Variants in PCDHGA2 observed in about 807,000 individuals in gnomAD.
PCDHGA2 encodes the protein protocadherin gamma-A2.
In PCDHGA2, 40 loss-of-function variants were observed where a neutral mutation model predicts 59.2. That is an observed-to-expected ratio of 0.68 (90% CI 0.52 to 0.88). PCDHGA2 has a LOEUF of 0.88. PCDHGA2 is among the 40% of genes least tolerant of loss of function. The pLI is 0.00. For synonymous variants in PCDHGA2, 560 were observed against 526.0 expected (o/e 1.06, Z -0.89); for missense variants, 1,226 against 1,204.0 (o/e 1.02, Z -0.27).
intron 1 of PCDHGA2, chr5:141,366,760 T>C (rs1041895625): frequency 1.9e-6 from 3 of 1,605,346 alleles, no homozygotes; most frequent in African/African-American, 2.7e-5. Context: ...AGGTTAGTTT[T>C]CTCTTTCGGT....
intron 1 of PCDHGA2, chr5:141,420,083 A>C (rs2096465782): frequency 2.5e-6 from 4 of 1,614,020 alleles, no homozygotes; most frequent in Non-Finnish European, 3.4e-6. Context: ...GGGTCCCCCC[A>C]ACTACAGTGA....
chr5:141,376,919 C>T (rs1232247479), intron 1 of PCDHGA2: 1 of 173,284 alleles, frequency 5.8e-6, no homozygotes, highest in Non-Finnish European at 1.2e-5. Context: ...GATCTCCTGA[C>T]CTCATGATCC....
At chr5:141,412,666 G>C (rs991501719) in intron 1 of PCDHGA2, 3 of 152,120 alleles carry the variant, frequency 2.0e-5, no homozygotes, top group African/African-American at 7.2e-5. Flanking sequence ...ACACTAATAT[G>C]ACCTAAAATA....
intron 1 of PCDHGA2, chr5:141,389,358 A>G: frequency 6.2e-7 from 1 of 1,613,908 alleles, no homozygotes; most frequent in Non-Finnish European, 8.5e-7. Flanking sequence ...CATCATGGCC[A>G]GTGACCTGGA....
chr5:141,434,747 C>T (rs2097714000), intron 1 of PCDHGA2, among the ~76,000 whole-genome samples: 1 of 151,606 alleles, frequency 6.6e-6, no homozygotes, highest in South Asian at 2.1e-4. Flanking sequence ...GCTATGAGAC[C>T]CCTGATTCCC....
intron 1 of PCDHGA2, chr5:141,352,202 C>T: frequency 6.2e-7 from 1 of 1,613,996 alleles, no homozygotes; most frequent in Non-Finnish European, 8.5e-7. Flanking sequence ...TGGAGGACAG[C>T]CGCCACTCTC....
chr5:141,362,372 G>C, intron 1 of PCDHGA2: 2 of 1,614,054 alleles, frequency 1.2e-6, no homozygotes, highest in Non-Finnish European at 1.7e-6. Context: ...TACAGTGAGG[G>C]TACATTGCCC....
intron 1 of PCDHGA2, chr5:141,374,743 T>A: frequency 6.2e-7 from 1 of 1,611,970 alleles, no homozygotes; most frequent in Non-Finnish European, 8.5e-7. Context: ...GCGGCGACCC[T>A]GTCCGCTCAA....
At chr5:141,348,301 C>G (rs972153885) in intron 1 of PCDHGA2, among the ~76,000 whole-genome samples, 1 of 152,130 alleles carries the variant, frequency 6.6e-6, no homozygotes, top group Non-Finnish European at 1.5e-5. Context: ...CTCACTGAAA[C>G]ATGGAAATAC....
At chr5:141,421,849 G>C in intron 1 of PCDHGA2, 4 of 1,613,766 alleles carry the variant, frequency 2.5e-6, no homozygotes, top group Non-Finnish European at 3.4e-6. Flanking sequence ...GAAAGAGGCT[G>C]CTCACCTGCT....
At chr5:141,427,570 C>A in intron 1 of PCDHGA2, 1 of 662,270 alleles carries the variant, frequency 1.5e-6, no homozygotes, top group Non-Finnish European at 2.8e-6. Flanking sequence ...GGCAAGCCTC[C>A]GCTCTCATCC....
Position 141,449,720 on chromosome 5 carries a change from T to C in PCDHGA2, c.2425-45087T>C, listed in dbSNP as rs373093679. 2.4e-4 allele frequency among the ~76,000 whole-genome samples: 36 copies of C among 151,876 alleles called. No individual in the cohort carries two copies. In the East Asian group the frequency reaches 3.1e-3, roughly 13 times the overall value. ...ACACAAACACATTATTTTTATATGA[T>C]ATGATTTTTTTATGACATGATTATT... On this transcript the variant is annotated intron_variant, in intron 1 of 3. Coordinates refer to ENST00000394576, the MANE Select transcript of PCDHGA2 (RefSeq NM_018915.4).
chr5:141,430,832 G>A (rs1398773861), intron 1 of PCDHGA2: 1 of 1,555,686 alleles, frequency 6.4e-7, no homozygotes, highest in South Asian at 1.3e-5. Flanking sequence ...GACTCTGTGG[G>A]AGACCGGATG....
chr5:141,430,577 C>A, intron 1 of PCDHGA2: 1 of 464,652 alleles, frequency 2.2e-6, no homozygotes. Context: ...AAGCGGAGAT[C>A]CTGCTCGCCT....
intron 1 of PCDHGA2, chr5:141,427,297 A>G (rs1292641772): frequency 2.2e-6 from 1 of 456,900 alleles, no homozygotes; most frequent in Non-Finnish European, 4.4e-6. Context: ...ATCCTAGATG[A>G]GAATGACAAT....
chr5:141,433,140 C>T (rs1394486228), intron 1 of PCDHGA2: 4 of 1,613,948 alleles, frequency 2.5e-6, no homozygotes, highest in African/African-American at 1.3e-5. Flanking sequence ...CTTTTGCTGT[C>T]AGGTGATTCG....
chr5:141,422,226 G>A (rs766346054), intron 1 of PCDHGA2: 1 of 1,565,844 alleles, frequency 6.4e-7, no homozygotes, highest in East Asian at 2.2e-5. Flanking sequence ...CCACCACGAC[G>A]ATGTTGATCA....
intron 1 of PCDHGA2, among the ~76,000 whole-genome samples, chr5:141,463,177 A>G (rs914982793): frequency 2.6e-5 from 4 of 152,250 alleles, no homozygotes; most frequent in Admixed American, 2.6e-4. Context: ...ATGTATGCTC[A>G]GATTATTATT....
intron 3 of PCDHGA2, among the ~76,000 whole-genome samples, chr5:141,510,329 A>T (rs1433056614): frequency 2.7e-5 from 4 of 150,230 alleles, no homozygotes; most frequent in Admixed American, 2.7e-4. Flanking sequence ...AGCACTCTTC[A>T]CCCCCACCCC....
Sources: allele counts gnomAD v4.1 joint callset (sites outside exome capture counted in the v4.1 genomes callset), GRCh38; gene constraint gnomAD v4.1.1; transcripts MANE v1.5; gene names NCBI Gene and HGNC (gene_info 2026-07-23, HGNC 2026-07-21).